The following SDCCAG8 variants were observed in gnomAD, a reference collection of about 807,000 sequenced individuals.
SDCCAG8 encodes SHH signaling and ciliogenesis regulator SDCCAG8, also known as serologically defined colon cancer antigen 8.
Under a neutral mutation model 101.8 loss-of-function variants are expected in SDCCAG8, and 74 were observed. The observed-to-expected ratio is 0.73, with a 90% CI of 0.60 to 0.88. The LOEUF is 0.88. SDCCAG8 is among the 40% of genes least tolerant of loss of function. The probability of loss-of-function intolerance (pLI) is 0.00; values close to 1 mark genes in which losing one functional copy is unlikely to be tolerated. For missense variants in SDCCAG8, 787 were observed against 822.6 expected (o/e 0.96, Z 0.53); for synonymous variants, 281 against 292.9 (o/e 0.96, Z 0.41).
At chr1:243,414,016 C>A (rs2080383316) in intron 13 of SDCCAG8, among the ~76,000 whole-genome samples, 1 of 152,218 alleles carries the variant, frequency 6.6e-6, no homozygotes, top group Non-Finnish European at 1.5e-5. Context: ...TCACCACCCA[C>A]TTCCTGTGTG....
intron 13 of SDCCAG8, among the ~76,000 whole-genome samples, chr1:243,380,929 G>C (rs1221682543): frequency 6.6e-6 from 1 of 151,958 alleles, no homozygotes; most frequent in Non-Finnish European, 1.5e-5. Context: ...CTGATATATA[G>C]TACTTTTTTG....
chr1:243,284,121 T>C (rs574990183), intron 4 of SDCCAG8, among the ~76,000 whole-genome samples: 1 of 152,340 alleles, frequency 6.6e-6, no homozygotes, highest in Non-Finnish European at 1.5e-5. Flanking sequence ...CTGATGCTTG[T>C]TAAATCTTTT....
chr1:243,330,538 A>C lies in SDCCAG8; in HGVS notation c.1069-2A>C. 6.2e-7 allele frequency: 1 copy of C among 1,614,098 alleles called. No individual in the cohort carries two copies. Among genetic ancestry groups the C allele is most frequent in the Non-Finnish European group, 8.5e-7 (1 of 1,179,978 alleles). ...CTCTTTCAATCTGTTCTATCCTGGC[A>C]GGCTTTAATCCAGTGTGACCAGTTG... On this transcript the variant is annotated splice_acceptor_variant, in intron 9 of 17. Transcript: ENST00000366541. LOFTEE classifies it high-confidence loss of function.
chr1:243,285,345 T>C (rs974874156), intron 4 of SDCCAG8, among the ~76,000 whole-genome samples: 26 of 152,180 alleles, frequency 1.7e-4, no homozygotes, highest in African/African-American at 6.3e-4. Context: ...CCCTATGACT[T>C]CATTTCTCTG....
In SDCCAG8 at chr1:243,426,459, G is replaced by C. The variant is rs548855151; in HGVS notation, c.1886G>C (p.Arg629Thr). 1.2e-6 allele frequency: 2 copies of C among 1,613,610 alleles called. No homozygotes were observed. The highest frequency in any genetic ancestry group is 4.5e-5 in the East Asian group (2 of 44,814). Residue 629 changes from arginine to threonine, a missense_variant, in exon 16 of 18, where the codon AGG (arginine) becomes ACG (threonine). Physicochemically the swap from Arg to Thr is moderately conservative, Grantham distance 71 (BLOSUM62 -1). Transcript: ENST00000366541. Reference sequence around the variant, plus strand: ...ATAGCTCAACTCAGTCAAGAAAAAAGGTATACATATGATAAATTGGGAAAG... The same window carrying C: ...ATAGCTCAACTCAGTCAAGAAAAAACGTATACATATGATAAATTGGGAAAG... ...SEIAQLSQEK[R>T]YTYDKLGKLQ...
At chr1:243,469,154 A>G (rs1480346471) in intron 16 of SDCCAG8, among the ~76,000 whole-genome samples, 1 of 152,222 alleles carries the variant, frequency 6.6e-6, no homozygotes, top group Admixed American at 6.5e-5. Flanking sequence ...GATAACCTTG[A>G]GAATTGCTAA....
chr1:243,296,535 CTTTTTTTTTT>C (rs756242066), intron 6 of SDCCAG8, among the ~76,000 whole-genome samples: 4 of 57,942 alleles, frequency 6.9e-5, no homozygotes, highest in Non-Finnish European at 8.5e-5. Context: ...CCCAACTGCT[CTTTTTTTTTT>C]TTTTTTTTTT....
chr1:243,348,754 C>T (rs1459866632), intron 12 of SDCCAG8, among the ~76,000 whole-genome samples: 1 of 150,874 alleles, frequency 6.6e-6, no homozygotes, highest in Non-Finnish European at 1.5e-5. Context: ...TGGCGGATCA[C>T]CTGAGGTCGG....
chr1:243,486,372 C>G (rs987020220), intron 16 of SDCCAG8, among the ~76,000 whole-genome samples: 16 of 152,290 alleles, frequency 1.1e-4, no homozygotes, highest in African/African-American at 2.2e-4. Context: ...AGGGGTGCTT[C>G]TGTGTGTGGA....
chr1:243,417,406 T>C (rs555526438), intron 14 of SDCCAG8, among the ~76,000 whole-genome samples: 55 of 152,306 alleles, frequency 3.6e-4, no homozygotes, highest in East Asian at 1.5e-3. Context: ...CAGATCTCCA[T>C]TGAAGCTCAT....
chr1:243,266,027 C>T (rs1041836369), intron 1 of SDCCAG8, among the ~76,000 whole-genome samples: 8 of 151,964 alleles, frequency 5.3e-5, no homozygotes, highest in South Asian at 2.1e-4. Flanking sequence ...TCTTTAAAAA[C>T]GCAACAAAAA....
At chr1:243,313,900 G>C (rs986271448) in intron 8 of SDCCAG8, among the ~76,000 whole-genome samples, 1 of 152,202 alleles carries the variant, frequency 6.6e-6, no homozygotes, top group African/African-American at 2.4e-5. Flanking sequence ...AGTCCCAGGG[G>C]ATAAGTGGGC....
intron 16 of SDCCAG8, among the ~76,000 whole-genome samples, chr1:243,460,104 T>C (rs1195290970): frequency 6.6e-6 from 1 of 152,228 alleles, no homozygotes; most frequent in Admixed American, 6.5e-5. Flanking sequence ...TTAATGTTAT[T>C]GATCTGAGTG....
chr1:243,469,400 C>T (rs1660782929), intron 16 of SDCCAG8, among the ~76,000 whole-genome samples: 1 of 152,198 alleles, frequency 6.6e-6, no homozygotes, highest in Admixed American at 6.5e-5. Context: ...AATAAAAGAA[C>T]ATGTCAGCAG....
At chr1:243,319,142 T>C (rs1246338769) in intron 9 of SDCCAG8, among the ~76,000 whole-genome samples, 1 of 151,948 alleles carries the variant, frequency 6.6e-6, no homozygotes, top group Non-Finnish European at 1.5e-5. Context: ...TCAGGATAAC[T>C]AATAGGGCAC....
intron 12 of SDCCAG8, chr1:243,346,104 A>G (rs2075688964): frequency 6.5e-6 from 1 of 154,166 alleles, no homozygotes; most frequent in Non-Finnish European, 1.5e-5. Context: ...TACTCTTTTT[A>G]ACTGTTTTGT....
In SDCCAG8 at chr1:243,330,542, T is replaced by C. The variant is rs144234264; in HGVS notation, c.1071T>C (p.Ala357=). ...TTCAATCTGTTCTATCCTGGCAGGC[T>C]TTAATCCAGTGTGACCAGTTGAGGA... is the stretch of plus-strand genomic sequence containing the variant. ...SEEANFEKTK[A]LIQCDQLRKE... is the part of the protein sequence containing the mutation. The change falls in exon 10 of 18, where the codon GCT becomes GCC. Residue 357 remains alanine, a splice_region_variant and synonymous_variant. Coordinates refer to ENST00000366541, the MANE Select transcript of SDCCAG8 (RefSeq NM_006642.5). 1.4e-4 allele frequency: 221 copies of C among 1,614,006 alleles called. 1 individual carries two copies. The highest frequency in any genetic ancestry group is 1.8e-4 in the Non-Finnish European group (211 of 1,179,994).
chr1:243,401,451 A>T (rs2079391834), intron 13 of SDCCAG8, among the ~76,000 whole-genome samples: 1 of 152,214 alleles, frequency 6.6e-6, no homozygotes, highest in African/African-American at 2.4e-5. Context: ...CTTACTAGAA[A>T]CAAGTAATGA....
chr1:243,364,611 T>C (rs2076892757), intron 12 of SDCCAG8, among the ~76,000 whole-genome samples: 1 of 152,202 alleles, frequency 6.6e-6, no homozygotes, highest in Non-Finnish European at 1.5e-5. Context: ...TGATCCAGAC[T>C]ACAAGAATAT....
Sources: allele counts gnomAD v4.1 joint callset (sites outside exome capture counted in the v4.1 genomes callset), GRCh38; gene constraint gnomAD v4.1.1; transcripts MANE v1.5; gene names NCBI Gene and HGNC (gene_info 2026-07-23, HGNC 2026-07-21).